FUT9: variants seen among roughly 807,000 people sequenced by gnomAD.
The protein encoded by FUT9 is 4-galactosyl-N-acetylglucosaminide 3-alpha-L-fucosyltransferase 9.
In FUT9, 15 loss-of-function variants were observed where a neutral mutation model predicts 29.7. The observed-to-expected ratio is 0.51, with a 90% confidence interval of 0.34 to 0.78. FUT9 has a LOEUF of 0.78. Among genes scored for constraint, FUT9 ranks in the 30% least tolerant of loss-of-function variants. The pLI is 0.01. For synonymous variants in FUT9, 169 were observed against 153.7 expected (o/e 1.10, Z -0.74); for missense variants, 319 against 425.4 (o/e 0.75, Z 2.20).
intron 2 of FUT9, among the ~76,000 whole-genome samples, chr6:96,124,153 C>CTTTTTTT (rs35122970): frequency 1.9e-4 from 24 of 125,012 alleles, no homozygotes; most frequent in South Asian, 2.7e-4. Context: ...TTTCTTTTTT[C>CTTTTTTT]TTTTTTTTTT....
chr6:96,122,324 G>A (rs746317681), intron 2 of FUT9, among the ~76,000 whole-genome samples: 1 of 152,046 alleles, frequency 6.6e-6, no homozygotes, highest in Non-Finnish European at 1.5e-5. Flanking sequence ...AAATCTTATG[G>A]GGCATTGGAA....
In FUT9 at chr6:96,058,360, C is replaced by T. The variant is rs147323273; in HGVS notation, c.-98+42148C>T. 4.5e-3 allele frequency among the ~76,000 whole-genome samples: 674 copies of T among 150,328 alleles called. 5 individuals carry two copies. Among genetic ancestry groups the T allele is most frequent in the African/African-American group, 0.016 (650 of 40,878 alleles). On this transcript the variant is annotated intron_variant, in intron 1 of 2. Transcript: ENST00000302103. Reference sequence around the variant, plus strand: ...AATTTTTTAAAGCTAGAAAGGAACCCTCACTGTTGGGGAAGTCATGAAAGA... The same window carrying T: ...AATTTTTTAAAGCTAGAAAGGAACCTTCACTGTTGGGGAAGTCATGAAAGA...
chr6:96,118,136 T>C (rs59517659), intron 2 of FUT9, among the ~76,000 whole-genome samples: 20,987 of 150,648 alleles, frequency 0.14, 1,665 homozygotes, highest in Non-Finnish European at 0.16. Context: ...GCATGGGAGT[T>C]GGAGGTTGCA....
intron 2 of FUT9, among the ~76,000 whole-genome samples, chr6:96,187,094 A>T (rs5009881): frequency 1.3e-5 from 2 of 151,704 alleles, no homozygotes; most frequent in South Asian, 2.1e-4. Flanking sequence ...TTACCAGCCA[A>T]GCCTAATGTT....
At chr6:96,097,052 C>G (rs1427494617) in intron 1 of FUT9, among the ~76,000 whole-genome samples, 1 of 152,072 alleles carries the variant, frequency 6.6e-6, no homozygotes, top group Admixed American at 6.6e-5. Flanking sequence ...AATCATTTTC[C>G]ACGACTATCC....
intron 2 of FUT9, 143 bp from the exon 3 acceptor site, chr6:96,203,005 G>A: frequency 1.6e-6 from 1 of 630,228 alleles, no homozygotes; most frequent in Non-Finnish European, 2.6e-6. Flanking sequence ...TCTCTCAATG[G>A]TTTGATAACA....
intron 1 of FUT9, among the ~76,000 whole-genome samples, chr6:96,097,643 T>TA (rs1363091575): frequency 6.6e-6 from 1 of 152,010 alleles, no homozygotes; most frequent in Non-Finnish European, 1.5e-5. Flanking sequence ...CAATAACAAA[T>TA]AAAATCTTTG....
At chr6:96,189,804 G>A (rs1325086058) in intron 2 of FUT9, among the ~76,000 whole-genome samples, 2 of 152,106 alleles carry the variant, frequency 1.3e-5, no homozygotes, top group Non-Finnish European at 2.9e-5. Context: ...GTGTGTCTCT[G>A]CAAGTGAGAT....
At chr6:96,127,578 A>G (rs1180583820) in intron 2 of FUT9, among the ~76,000 whole-genome samples, 1 of 152,148 alleles carries the variant, frequency 6.6e-6, no homozygotes. Flanking sequence ...GCTGGGCTTA[A>G]TGGTAATTTT....
rs181189751 is a variant in FUT9 at position 96,022,537 on chromosome 6, T to A, written c.-98+6325T>A. On this transcript the variant is annotated intron_variant, in intron 1 of 2. Transcript: ENST00000302103. ...TTTGTTAAGGTGAATATAGATCAAA[T>A]CATGGTCAGAGCTTTCTGGTGTGGG... Among the ~76,000 whole-genome samples, 541 of 152,032 alleles carry A rather than the reference T, an allele frequency of 3.6e-3. 17 individuals are homozygous for A. The highest frequency in any genetic ancestry group is 0.03 in the Admixed American group (462 of 15,246).
intron 1 of FUT9, among the ~76,000 whole-genome samples, chr6:96,104,028 G>A (rs1447605209): frequency 6.6e-6 from 1 of 152,142 alleles, no homozygotes; most frequent in Non-Finnish European, 1.5e-5. Context: ...TGTTTAGAAG[G>A]ACAACCACAT....
intron 1 of FUT9, among the ~76,000 whole-genome samples, chr6:96,098,510 A>G (rs1019214361): frequency 3.9e-5 from 6 of 152,206 alleles, no homozygotes; most frequent in Non-Finnish European, 4.4e-5. Flanking sequence ...ATTTAACTCC[A>G]TATTTTTACC....
At chr6:96,119,651 A>G (rs1413769336) in intron 2 of FUT9, among the ~76,000 whole-genome samples, 1 of 152,236 alleles carries the variant, frequency 6.6e-6, no homozygotes, top group Non-Finnish European at 1.5e-5. Flanking sequence ...CATTTTATAA[A>G]GCCAAGCTAA....
At chr6:96,093,034 T>C (rs1267733377) in intron 1 of FUT9, among the ~76,000 whole-genome samples, 3 of 152,116 alleles carry the variant, frequency 2.0e-5, no homozygotes, top group African/African-American at 7.2e-5. Context: ...TCCTAAAGTA[T>C]TGAAATTACA....
At chr6:96,134,458 T>C (rs182583806) in intron 2 of FUT9, among the ~76,000 whole-genome samples, 2 of 151,972 alleles carry the variant, frequency 1.3e-5, no homozygotes, top group African/African-American at 4.8e-5. Context: ...ATCTAATATC[T>C]GATATTTAGA....
In FUT9 at chr6:96,208,139, T is replaced by C. The variant is rs182631149; in HGVS notation, c.*3904T>C. ...AAAGCAACAGAATATTTAGGAATTA[T>C]TTGCGGAGGCTTTAAATTCTTACCT... On this transcript the variant is annotated 3_prime_UTR_variant, in exon 3 of 3. Coordinates refer to ENST00000302103, the MANE Select transcript of FUT9 (RefSeq NM_006581.4). The C allele has an allele frequency of 7.8e-5, 13 of 167,068 alleles. No individual in the cohort carries two copies. The highest frequency in any genetic ancestry group is 1.5e-5 in the Non-Finnish European group (1 of 68,002). The allele number at this position is 167,068 out of a possible 1,614,324, so 10.3% of individuals were successfully genotyped here. A position where few individuals can be genotyped will look rare whatever the true frequency, so the allele number is the denominator to read the frequency against.
chr6:96,035,638 A>G (rs1770339377), intron 1 of FUT9, among the ~76,000 whole-genome samples: 2 of 128,132 alleles, frequency 1.6e-5, no homozygotes, highest in South Asian at 4.8e-4. Flanking sequence ...ATAATAAAAT[A>G]TTATATTTAT....
intron 2 of FUT9, among the ~76,000 whole-genome samples, chr6:96,191,553 G>C (rs6930456): frequency 0.91 from 138,861 of 152,152 alleles, 64,716 homozygotes; most frequent in Non-Finnish European, 1. Flanking sequence ...TACCTGAATA[G>C]ACCAATAGCA....
At chr6:96,060,772 A>G (rs1490193446) in intron 1 of FUT9, among the ~76,000 whole-genome samples, 1 of 152,238 alleles carries the variant, frequency 6.6e-6, no homozygotes, top group East Asian at 1.9e-4. Flanking sequence ...TCCTAACCTC[A>G]AGTGATCTGC....
Sources: gnomAD v4.1 joint callset for allele counts (sites outside exome capture counted in the v4.1 genomes callset) on GRCh38, gnomAD v4.1.1 for gene constraint, MANE v1.5 for transcripts, NCBI Gene and HGNC (gene_info 2026-07-23, HGNC 2026-07-21) for gene names.